Variants in CHSY1 observed in about 807,000 individuals in gnomAD.
CHSY1 encodes N-acetylgalactosaminyl-proteoglycan 3-beta-glucuronosyltransferase 1.
Under a neutral mutation model 59.8 loss-of-function variants are expected in CHSY1, and 13 were observed. That is an observed-to-expected ratio of 0.22 (90% CI 0.14 to 0.35). CHSY1 has a LOEUF of 0.35. CHSY1 is among the 10% of genes least tolerant of loss of function. The pLI is 1.00. For missense variants in CHSY1, 947 were observed against 1,030.6 expected (o/e 0.92, Z 1.11); for synonymous variants, 459 against 401.2 (o/e 1.14, Z -1.72).
At chr15:101,250,012 C>A (rs1567111578) in intron 1 of CHSY1, among the ~76,000 whole-genome samples, 1 of 152,184 alleles carries the variant, frequency 6.6e-6, no homozygotes, top group African/African-American at 2.4e-5. Context: ...CCCTTAAAGG[C>A]AAGGGAGACC....
chr15:101,218,648 C>T lies in CHSY1; in HGVS notation c.816+16434G>A, dbSNP rs1385345030. ...CGTTAAAACAGGCTGGGCGTGGTGG[C>T]TCATGCCAACAGAAGGCTGAGGTGG... On this transcript the variant is annotated intron_variant, in intron 2 of 2. Coordinates refer to ENST00000254190, the MANE Select transcript of CHSY1 (RefSeq NM_014918.5). Among the ~76,000 whole-genome samples the T allele has an allele frequency of 2.0e-5, 3 of 152,314 alleles. No homozygotes were observed. The East Asian group carries it at 5.8e-4, about 29-fold the overall frequency.
intron 2 of CHSY1, among the ~76,000 whole-genome samples, chr15:101,204,996 T>C (rs1343776089): frequency 2.0e-5 from 3 of 152,194 alleles, no homozygotes; most frequent in Non-Finnish European, 4.4e-5. Context: ...CAATACTACA[T>C]ACTCTATCCA....
chr15:101,236,769 G>A (rs1325179881), intron 1 of CHSY1, among the ~76,000 whole-genome samples: 4 of 152,188 alleles, frequency 2.6e-5, no homozygotes, highest in South Asian at 2.1e-4. Flanking sequence ...AGCTTGCAGC[G>A]AGCCGAGATC....
chr15:101,178,948 C>G lies in CHSY1; in HGVS notation c.849G>C (p.Gln283His). ...GATCTCTAATGTACCCCTTTTTGTTCTGCTCGTAATTCTCATAAAAAAGCT... is the reference window on the plus strand; with the variant it reads ...GATCTCTAATGTACCCCTTTTTGTTGTGCTCGTAATTCTCATAAAAAAGCT... ...MQQLFYENYE[Q>H]NKKGYIRDLH... Residue 283 changes from glutamine to histidine, a missense_variant, in exon 3 of 3, where the codon CAG becomes CAC. Around this residue, in one of 4 missense-constraint regions of CHSY1, gnomAD observed 602 missense variants for 676.9 expected, o/e 0.89. Coordinates refer to ENST00000254190, the MANE Select transcript of CHSY1 (RefSeq NM_014918.5). 1 of 1,613,838 alleles carries G rather than the reference C, an allele frequency of 6.2e-7. No homozygotes were observed. Among genetic ancestry groups the G allele is most frequent in the Non-Finnish European group, 8.5e-7 (1 of 1,179,914 alleles).
intron 2 of CHSY1, among the ~76,000 whole-genome samples, chr15:101,179,725 A>G (rs893666358): frequency 1.2e-4 from 19 of 152,214 alleles, no homozygotes; most frequent in African/African-American, 4.3e-4. Flanking sequence ...GGGATCAGAA[A>G]ATGCTGGCAG....
At chr15:101,204,933 G>A (rs1281746202) in intron 2 of CHSY1, among the ~76,000 whole-genome samples, 2 of 152,042 alleles carry the variant, frequency 1.3e-5, no homozygotes, top group African/African-American at 4.8e-5. Flanking sequence ...AAGACCATCT[G>A]GCAGAGTTAA....
chr15:101,180,664 A>T (rs1213287970), intron 2 of CHSY1, among the ~76,000 whole-genome samples: 1 of 152,212 alleles, frequency 6.6e-6, no homozygotes, highest in Non-Finnish European at 1.5e-5. Context: ...TGAAGCAAAG[A>T]AGTAACCTGG....
chr15:101,228,659 A>G (rs550102632), intron 2 of CHSY1, among the ~76,000 whole-genome samples: 1 of 152,302 alleles, frequency 6.6e-6, no homozygotes, highest in East Asian at 1.9e-4. Context: ...GTGAAGGAGA[A>G]ATTAGGACAT....
chr15:101,235,475 G>A lies in CHSY1; in HGVS notation c.423C>T (p.Asp141=), dbSNP rs115447262. The change falls in exon 2 of 3, where the codon GAC becomes GAT. Residue 141 remains aspartate (D), a synonymous_variant. Transcript: ENST00000254190. ...IPVVPLRGVD[D]SYPPQKKSFM... ...AGGACTTCTTCTGGGGCGGGTAGGA[G>A]TCGTCCACACCCCGTAGTGGCACTA... The A allele has an allele frequency of 1.1e-3, 1,720 of 1,614,208 alleles. 12 individuals carry two copies. The African/African-American group carries it at 0.015, about 14-fold the overall frequency.
chr15:101,177,055 C>T lies in CHSY1; in HGVS notation c.*333G>A. 4.8e-6 allele frequency: 1 copy of T among 207,426 alleles called. No individual in the cohort carries two copies. The allele number at this position is 207,426 out of a possible 1,614,324, so 12.8% of individuals were successfully genotyped here. A position where few individuals can be genotyped will look rare whatever the true frequency, so the allele number is the denominator to read the frequency against. ...TTACCAGAGTTACAGTGTTTTGTTA[C>T]AATAATACTTTGCAGGAATGTTCAC... On this transcript the variant is annotated 3_prime_UTR_variant, in exon 3 of 3. Transcript: ENST00000254190.
At chr15:101,240,354 C>T (rs1371157309) in intron 1 of CHSY1, among the ~76,000 whole-genome samples, 1 of 152,246 alleles carries the variant, frequency 6.6e-6, no homozygotes, top group Non-Finnish European at 1.5e-5. Flanking sequence ...GCTGTCCCCT[C>T]TTCTGCAATA....
intron 1 of CHSY1, among the ~76,000 whole-genome samples, chr15:101,236,959 C>T (rs556126279): frequency 1.2e-4 from 19 of 152,022 alleles, no homozygotes; most frequent in Admixed American, 6.5e-4. Flanking sequence ...GTGGCTCATG[C>T]CTGTAATCCC....
chr15:101,235,941 T>C (rs568784802), intron 1 of CHSY1, among the ~76,000 whole-genome samples: 145 of 152,262 alleles, frequency 9.5e-4, no homozygotes, highest in African/African-American at 3.4e-3. Flanking sequence ...CAAAATCAAA[T>C]GGTTCACTCA....
intron 2 of CHSY1, among the ~76,000 whole-genome samples, chr15:101,220,304 C>A (rs150173745): frequency 1.3e-5 from 2 of 152,242 alleles, no homozygotes; most frequent in African/African-American, 4.8e-5. Flanking sequence ...TCAGACCCTG[C>A]CTCTATCTCC....
At chr15:101,218,050 A>G (rs1438970582) in intron 2 of CHSY1, among the ~76,000 whole-genome samples, 2 of 152,264 alleles carry the variant, frequency 1.3e-5, no homozygotes, top group African/African-American at 4.8e-5. Context: ...TCTTCCCCTC[A>G]GAAATCCATA....
intron 2 of CHSY1, among the ~76,000 whole-genome samples, chr15:101,200,201 A>C (rs1340835704): frequency 6.6e-6 from 1 of 152,230 alleles, no homozygotes; most frequent in African/African-American, 2.4e-5. Context: ...TTCATGAGCC[A>C]GTTTACTTCC....
chr15:101,240,314 T>A (rs995404539), intron 1 of CHSY1, among the ~76,000 whole-genome samples: 1 of 152,244 alleles, frequency 6.6e-6, no homozygotes, highest in Non-Finnish European at 1.5e-5. Flanking sequence ...TAATTTCAAA[T>A]AATTGAAGGG....
chr15:101,216,118 A>G (rs1261361222), intron 2 of CHSY1, among the ~76,000 whole-genome samples: 2 of 152,242 alleles, frequency 1.3e-5, no homozygotes, highest in African/African-American at 4.8e-5. Context: ...GAAACACAGT[A>G]CCAAATAAAA....
intron 2 of CHSY1, among the ~76,000 whole-genome samples, chr15:101,205,817 G>T (rs1034783995): frequency 6.6e-6 from 1 of 152,264 alleles, no homozygotes; most frequent in Middle Eastern, 3.4e-3. Flanking sequence ...TGGGCGTGGT[G>T]GTGGGCGCCC....
Sources: gnomAD v4.1 joint callset for allele counts (sites outside exome capture counted in the v4.1 genomes callset) on GRCh38, gnomAD v4.1.1 for gene constraint, gnomAD v4.1.1 regional missense constraint, MANE v1.5 for transcripts, NCBI Gene and HGNC (gene_info 2026-07-23, HGNC 2026-07-21) for gene names.